Variants in SLIT3 observed in about 807,000 individuals in gnomAD.
The protein encoded by SLIT3 is slit guidance ligand 3, also known as slit homolog 3 protein.
SLIT3 carries 68 observed loss-of-function variants against 184.0 expected under a neutral mutation model. The ratio of observed to expected loss-of-function variants is 0.37; its 90% CI spans 0.30 to 0.45. The LOEUF is 0.45. Among genes scored for constraint, SLIT3 ranks in the 20% least tolerant of loss-of-function variants. SLIT3 has a pLI of 1.00. For missense variants in SLIT3, 1,707 were observed against 2,026.0 expected (o/e 0.84, Z 3.02); for synonymous variants, 831 against 828.6 (o/e 1.00, Z -0.05).
intron 30 of SLIT3, among the ~76,000 whole-genome samples, chr5:168,686,153 G>A (rs1761737808): frequency 6.6e-6 from 1 of 152,190 alleles, no homozygotes; most frequent in African/African-American, 2.4e-5. Flanking sequence ...ATGGTGGCAT[G>A]AGCCTGTAGT....
chr5:168,862,700 G>A (rs1389393123), intron 5 of SLIT3, among the ~76,000 whole-genome samples: 2 of 151,158 alleles, frequency 1.3e-5, no homozygotes, highest in African/African-American at 4.9e-5. Flanking sequence ...GTGAGATGGA[G>A]TTTTGCTCTT....
At chr5:168,962,536 C>G in intron 4 of SLIT3, among the ~76,000 whole-genome samples, 1 of 151,626 alleles carries the variant, frequency 6.6e-6, no homozygotes, top group South Asian at 2.1e-4. Context: ...AAGGTCTTTG[C>G]TTAAGAAGTA....
chr5:168,743,929 G>A (rs1276675800), intron 20 of SLIT3, among the ~76,000 whole-genome samples: 1 of 152,208 alleles, frequency 6.6e-6, no homozygotes, highest in Non-Finnish European at 1.5e-5. Flanking sequence ...TTCCGTGAAG[G>A]CTGACAGAGG....
At chr5:168,856,806 T>TGC (rs61149576) in intron 5 of SLIT3, among the ~76,000 whole-genome samples, 3,085 of 137,656 alleles carry the variant, frequency 0.022, 53 homozygotes, top group Middle Eastern at 0.046. Flanking sequence ...TGTGTGTGTG[T>TGC]GCGCGCGCGC....
At chr5:169,204,071 G>C (rs1405464353) in intron 3 of SLIT3, among the ~76,000 whole-genome samples, 1 of 152,112 alleles carries the variant, frequency 6.6e-6, no homozygotes, top group Non-Finnish European at 1.5e-5. Flanking sequence ...AGAGGAGTGT[G>C]GACTGAGTTC....
In SLIT3 at chr5:168,778,546, C is replaced by T. The variant is rs1440001254; in HGVS notation, c.1152-4168G>A. On this transcript the variant is annotated intron_variant, in intron 12 of 35. Transcript: ENST00000519560. ...CCTGACTCCCAGGAAGGAGCTTCAGCGTGTGATGCTGATCAAGCCTTCGTT... is the reference window on the plus strand; with the variant it reads ...CCTGACTCCCAGGAAGGAGCTTCAGTGTGTGATGCTGATCAAGCCTTCGTT... 2.0e-5 allele frequency among the ~76,000 whole-genome samples: 3 copies of T among 152,188 alleles called. No homozygotes were observed. In the East Asian group the frequency reaches 5.8e-4, roughly 29 times the overall value.
In SLIT3 at chr5:169,184,178, T is replaced by TTA. The variant is rs550133385; in HGVS notation, c.413+9299_413+9300dup. ...CTAGATCTCAGATAAGAGCACGTGC[T>TTA]TATATATACTCATATGCGCTTATAA... On this transcript the variant is annotated intron_variant, in intron 4 of 35. Coordinates refer to ENST00000519560, the MANE Select transcript of SLIT3 (RefSeq NM_003062.4). 1.9e-3 allele frequency among the ~76,000 whole-genome samples: 283 copies of TTA among 152,380 alleles called. 1 individual carries two copies. Among genetic ancestry groups the TTA allele is most frequent in the African/African-American group, 6.4e-3 (267 of 41,588 alleles).
intron 12 of SLIT3, among the ~76,000 whole-genome samples, chr5:168,778,512 A>T (rs11744219): frequency 0.18 from 27,425 of 152,200 alleles, 2,605 homozygotes; most frequent in Middle Eastern, 0.22. Context: ...CAGAGGCATC[A>T]GAAGTCCTCC....
chr5:168,974,860 A>G (rs1754694728), intron 4 of SLIT3, among the ~76,000 whole-genome samples: 1 of 152,212 alleles, frequency 6.6e-6, no homozygotes, highest in African/African-American at 2.4e-5. Flanking sequence ...TCCCCAGAGG[A>G]GGTGGCCCTG....
intron 4 of SLIT3, among the ~76,000 whole-genome samples, chr5:169,032,596 TTCG>T (rs200418792): frequency 2.1e-5 from 3 of 141,570 alleles, no homozygotes; most frequent in Non-Finnish European, 4.5e-5. Context: ...ATGTTTTAGT[TTCG>T]TTTTTTTTTT....
intron 3 of SLIT3, among the ~76,000 whole-genome samples, chr5:169,202,568 T>G (rs888802930): frequency 6.6e-6 from 1 of 152,276 alleles, no homozygotes; most frequent in South Asian, 2.1e-4. Flanking sequence ...TTTTGGAGCC[T>G]TGGTTGACAG....
rs560061448 is a variant in SLIT3 at position 169,026,111 on chromosome 5, G to A, written c.414-142775C>T. ...GGGAATTTATGAAAATGACTCTTAA[G>A]CTCCTGGGTGTGGTGACTCCCTGGC... On this transcript the variant is annotated intron_variant, in intron 4 of 35. Transcript: ENST00000519560. 3.3e-5 allele frequency among the ~76,000 whole-genome samples: 5 copies of A among 152,316 alleles called. No homozygotes were observed. The South Asian group carries it at 1.0e-3, about 32-fold the overall frequency.
chr5:169,114,112 C>T (rs1302796587), intron 4 of SLIT3, among the ~76,000 whole-genome samples: 1 of 152,210 alleles, frequency 6.6e-6, no homozygotes, highest in African/African-American at 2.4e-5. Context: ...TACCCTCCCC[C>T]ACCTAGCTGG....
intron 4 of SLIT3, among the ~76,000 whole-genome samples, chr5:169,016,022 C>T (rs2113472871): frequency 6.6e-6 from 1 of 151,974 alleles, no homozygotes; most frequent in East Asian, 1.9e-4. Context: ...CCTGTCCCAT[C>T]TCTGCCTTTC....
chr5:168,958,154 C>T (rs929510951), intron 4 of SLIT3, among the ~76,000 whole-genome samples: 2 of 152,146 alleles, frequency 1.3e-5, no homozygotes, highest in Non-Finnish European at 2.9e-5. Flanking sequence ...AAACCATTTA[C>T]TCATCATATA....
Position 169,128,829 on chromosome 5 carries a change from T to C in SLIT3, c.413+64650A>G, listed in dbSNP as rs17734944. ...GGACGGTGAGCCTGGCAAATGTAAT[T>C]ACTAAGTTCTCTCTGGTGACAGCAT... On this transcript the variant is annotated intron_variant, in intron 4 of 35. Transcript: ENST00000519560. 4.5e-3 allele frequency among the ~76,000 whole-genome samples: 689 copies of C among 152,302 alleles called. 13 individuals carry two copies. The highest frequency in any genetic ancestry group is 0.031 in the Admixed American group (468 of 15,290).
At chr5:169,287,398 G>T (rs1382965982) in intron 1 of SLIT3, among the ~76,000 whole-genome samples, 3 of 150,622 alleles carry the variant, frequency 2.0e-5, no homozygotes, top group Non-Finnish European at 3.0e-5. Flanking sequence ...TACTAGATGT[G>T]GTCCCTCTTC....
At chr5:169,254,887 C>A (rs1450125252) in intron 1 of SLIT3, among the ~76,000 whole-genome samples, 1 of 152,214 alleles carries the variant, frequency 6.6e-6, no homozygotes, top group Non-Finnish European at 1.5e-5. Context: ...GCCAGAATCG[C>A]CCAGCTGAAT....
chr5:168,671,583 T>G, intron 33 of SLIT3, 100 bp from the exon 34 acceptor site: 1 of 1,321,900 alleles, frequency 7.6e-7, no homozygotes, highest in African/African-American at 1.5e-5. Context: ...TGGCCAGAAC[T>G]CTGGGCCTCT....
Sources: gnomAD v4.1 joint callset for allele counts (sites outside exome capture counted in the v4.1 genomes callset) on GRCh38, gnomAD v4.1.1 for gene constraint, MANE v1.5 for transcripts, NCBI Gene and HGNC (gene_info 2026-07-23, HGNC 2026-07-21) for gene names.